Variants in SPOCK1 observed in about 807,000 individuals in gnomAD.
SPOCK1 encodes SPARC (osteonectin), cwcv and kazal like domains proteoglycan 1, also known as testican-1.
SPOCK1 carries 23 observed loss-of-function variants against 55.3 expected under a neutral mutation model. The observed-to-expected ratio is 0.42, with a 90% CI of 0.30 to 0.59. The LOEUF (loss-of-function observed/expected upper bound fraction) is 0.59, where lower values mean the gene tolerates loss of function less well. SPOCK1 is among the 20% of genes least tolerant of loss of function. The pLI is 0.22. For synonymous variants in SPOCK1, 226 were observed against 221.0 expected (o/e 1.02, Z -0.20); for missense variants, 499 against 552.5 (o/e 0.90, Z 0.97).
At chr5:137,374,699 C>G (rs1479397047) in intron 2 of SPOCK1, among the ~76,000 whole-genome samples, 1 of 152,216 alleles carries the variant, frequency 6.6e-6, no homozygotes, top group Admixed American at 6.5e-5. Flanking sequence ...TTATGACACC[C>G]TTGCTGAGGG....
At chr5:137,160,530 A>ATT (rs1230998369) in intron 3 of SPOCK1, among the ~76,000 whole-genome samples, 1 of 60,654 alleles carries the variant, frequency 1.6e-5, no homozygotes, top group African/African-American at 6.3e-5. Flanking sequence ...TATAATATAT[A>ATT]AAAATATATA....
chr5:137,409,877 C>T (rs1580910200), intron 2 of SPOCK1, among the ~76,000 whole-genome samples: 1 of 152,216 alleles, frequency 6.6e-6, no homozygotes, highest in Non-Finnish European at 1.5e-5. Flanking sequence ...CTTAGGGAAC[C>T]TATGGTTGAA....
intron 4 of SPOCK1, among the ~76,000 whole-genome samples, chr5:137,130,486 G>A (rs954630555): frequency 6.6e-6 from 1 of 152,170 alleles, no homozygotes; most frequent in Non-Finnish European, 1.5e-5. Flanking sequence ...AGTTTTCTGA[G>A]CTAGTCCTGC....
At chr5:137,428,819 A>G (rs1222459111) in intron 2 of SPOCK1, among the ~76,000 whole-genome samples, 1 of 152,104 alleles carries the variant, frequency 6.6e-6, no homozygotes, top group Admixed American at 6.5e-5. Flanking sequence ...AATCCTATCC[A>G]TTCTGCCTCC....
At chr5:137,269,723 GACAAA>G (rs1332169358) in intron 2 of SPOCK1, among the ~76,000 whole-genome samples, 2 of 152,006 alleles carry the variant, frequency 1.3e-5, no homozygotes, top group South Asian at 2.1e-4. Context: ...AAAGATAAAA[GACAAA>G]AGAAAAAAGA....
At chr5:137,235,120 G>C (rs1213499764) in intron 3 of SPOCK1, among the ~76,000 whole-genome samples, 1 of 152,206 alleles carries the variant, frequency 6.6e-6, no homozygotes, top group Admixed American at 6.5e-5. Flanking sequence ...AGTGGGAGCT[G>C]AGGCTCCCAG....
chr5:137,151,695 T>C (rs1034965722), intron 3 of SPOCK1, among the ~76,000 whole-genome samples: 2 of 152,164 alleles, frequency 1.3e-5, no homozygotes, highest in African/African-American at 4.8e-5. Flanking sequence ...ATACCATCTC[T>C]TCCCTTGAAT....
At chr5:137,181,464 G>C (rs1026134224) in intron 3 of SPOCK1, among the ~76,000 whole-genome samples, 1 of 152,230 alleles carries the variant, frequency 6.6e-6, no homozygotes, top group Non-Finnish European at 1.5e-5. Context: ...CTCACAAAAT[G>C]AGGCTCTCTC....
intron 2 of SPOCK1, among the ~76,000 whole-genome samples, chr5:137,299,359 T>C (rs13184564): frequency 1.3e-5 from 2 of 151,948 alleles, no homozygotes; most frequent in Non-Finnish European, 2.9e-5. Context: ...CCCTTACAAA[T>C]CCAATAAAGT....
intron 5 of SPOCK1, among the ~76,000 whole-genome samples, chr5:137,101,587 T>C (rs1753264929): frequency 6.6e-6 from 1 of 152,248 alleles, no homozygotes; most frequent in South Asian, 2.1e-4. Flanking sequence ...AAATAATTAG[T>C]TGAATTGCTT....
intron 6 of SPOCK1, among the ~76,000 whole-genome samples, chr5:137,065,520 T>G (rs1343532336): frequency 6.6e-6 from 1 of 152,214 alleles, no homozygotes; most frequent in Non-Finnish European, 1.5e-5. Flanking sequence ...AAGGTGGTAT[T>G]TCTTAGATAA....
intron 2 of SPOCK1, among the ~76,000 whole-genome samples, chr5:137,299,233 C>A (rs1307928393): frequency 6.6e-6 from 1 of 152,032 alleles, no homozygotes; most frequent in Non-Finnish European, 1.5e-5. Flanking sequence ...GTAGGAAACA[C>A]AATCATTCTA....
intron 3 of SPOCK1, among the ~76,000 whole-genome samples, chr5:137,242,536 T>A (rs1023602763): frequency 2.0e-5 from 3 of 152,172 alleles, no homozygotes; most frequent in Non-Finnish European, 4.4e-5. Context: ...CATTTCTTCA[T>A]AGCAGTATGA....
intron 2 of SPOCK1, among the ~76,000 whole-genome samples, chr5:137,393,701 T>C (rs1053530846): frequency 2.6e-5 from 4 of 152,236 alleles, no homozygotes; most frequent in African/African-American, 9.6e-5. Flanking sequence ...TAATAATTGT[T>C]CAACTAATGC....
chr5:137,449,454 G>A (rs1378928450), intron 2 of SPOCK1, among the ~76,000 whole-genome samples: 1 of 152,168 alleles, frequency 6.6e-6, no homozygotes, highest in Non-Finnish European at 1.5e-5. Flanking sequence ...AGTTCTGATT[G>A]TCTGTGTTTC....
intron 2 of SPOCK1, among the ~76,000 whole-genome samples, chr5:137,405,518 A>C (rs1006166678): frequency 2.6e-5 from 4 of 152,056 alleles, no homozygotes; most frequent in African/African-American, 9.7e-5. Flanking sequence ...CACCAACTTC[A>C]CCGTCCCACC....
intron 2 of SPOCK1, among the ~76,000 whole-genome samples, chr5:137,424,598 A>T (rs181383738): frequency 5.1e-4 from 77 of 152,338 alleles, no homozygotes; most frequent in African/African-American, 1.8e-3. Context: ...CTCAAGCTGG[A>T]AACAATCCAG....
chr5:137,350,389 A>T (rs746030671), intron 2 of SPOCK1, among the ~76,000 whole-genome samples: 78 of 152,290 alleles, frequency 5.1e-4, no homozygotes, highest in Middle Eastern at 3.4e-3. Context: ...ACTGCCACTT[A>T]TTATCTCTCA....
chr5:137,442,319 G>C (rs558820750), intron 2 of SPOCK1, among the ~76,000 whole-genome samples: 14 of 152,282 alleles, frequency 9.2e-5, no homozygotes, highest in Non-Finnish European at 2.1e-4. Flanking sequence ...GCTCTGACTT[G>C]GATAAAACAC....
Sources: allele counts gnomAD v4.1 joint callset (sites outside exome capture counted in the v4.1 genomes callset), GRCh38; gene constraint gnomAD v4.1.1; transcripts MANE v1.5; gene names NCBI Gene and HGNC (gene_info 2026-07-23, HGNC 2026-07-21).